TRIO: variants seen among roughly 807,000 people sequenced by gnomAD.
TRIO encodes the protein triple functional domain protein.
Under a neutral mutation model 351.9 loss-of-function variants are expected in TRIO, and 58 were observed. The ratio of observed to expected loss-of-function variants is 0.16; its 90% CI spans 0.13 to 0.21. The LOEUF (loss-of-function observed/expected upper bound fraction) is 0.21, where lower values mean the gene tolerates loss of function less well. TRIO is among the 10% of genes least tolerant of loss of function. The pLI is 1.00. For synonymous variants in TRIO, 1,758 were observed against 1,595.7 expected, an observed-to-expected ratio of 1.10 and a Z score of -2.42; for missense variants, 3,201 against 4,027.8, an observed-to-expected ratio of 0.79 and a Z score of 5.56.
At chr5:14,454,668 G>A (rs1432452825) in intron 34 of TRIO, among the ~76,000 whole-genome samples, 6 of 152,226 alleles carry the variant, frequency 3.9e-5, no homozygotes, top group Non-Finnish European at 7.3e-5. Context: ...AGCTGGGTAT[G>A]TAGTTAGAAA....
chr5:14,490,743 G>A, intron 48 of TRIO: 1 of 454,044 alleles, frequency 2.2e-6, no homozygotes, highest in Admixed American at 2.4e-5. Context: ...AATACTAATA[G>A]TTAGGATTGT....
In TRIO at chr5:14,479,264, A is replaced by G; in HGVS notation, c.6157A>G (p.Arg2053Gly). The G allele has an allele frequency of 6.2e-7, 1 of 1,613,680 alleles. No individual in the cohort carries two copies. The highest frequency in any genetic ancestry group is 8.5e-7 in the Non-Finnish European group (1 of 1,179,776). ...KLGSLFVKHE[R>G]RLHMYIAYCQ... ...TGTTTGCCTTTTTTATTCCTAGGAG[A>G]GAAGGTTGCACATGTACATAGCTTA... Residue 2053 changes from arginine (R) to glycine (G), a missense_variant, in exon 42 of 57, where the codon AGA becomes GGA. Physicochemically the swap from Arg to Gly is moderately radical, Grantham distance 125 (BLOSUM62 -2). Transcript: ENST00000344204.
In TRIO at chr5:14,461,312, G is replaced by T; in HGVS notation, c.5496+1G>T. 6.4e-7 allele frequency: 1 copy of T among 1,562,286 alleles called. No individual in the cohort carries two copies. On this transcript the variant is annotated splice_donor_variant, in intron 35 of 56. Transcript: ENST00000344204. LOFTEE classifies it high-confidence loss of function. ...CCCGCAGGACGAGACGGTCGAGGAG[G>T]TGAGGCTCTGCCCGCTGGTTGGGGC...
At chr5:14,277,770 A>G (rs1326655880) in intron 2 of TRIO, among the ~76,000 whole-genome samples, 1 of 152,262 alleles carries the variant, frequency 6.6e-6, no homozygotes, top group East Asian at 1.9e-4. Flanking sequence ...ACACCTGTGT[A>G]GTTGATTTTA....
intron 9 of TRIO, among the ~76,000 whole-genome samples, chr5:14,326,360 A>G (rs1160365670): frequency 6.6e-6 from 1 of 151,010 alleles, no homozygotes; most frequent in African/African-American, 2.5e-5. Context: ...CATTCTGAAC[A>G]GCTTTCTGCC....
chr5:14,492,471 A>C, intron 48 of TRIO, 96 bp from the exon 49 acceptor site: 1 of 1,541,178 alleles, frequency 6.5e-7, no homozygotes, highest in Non-Finnish European at 8.8e-7. Flanking sequence ...GCACGGGGTC[A>C]TGGTGCCATG....
intron 8 of TRIO, among the ~76,000 whole-genome samples, chr5:14,305,739 A>C (rs1001455043): frequency 9.9e-5 from 15 of 152,186 alleles, no homozygotes; most frequent in Admixed American, 9.8e-4. Flanking sequence ...CTGTCTTGAC[A>C]TCCTAGTGTC....
At chr5:14,484,088 G>C (rs1383136493) in intron 46 of TRIO, among the ~76,000 whole-genome samples, 1 of 146,912 alleles carries the variant, frequency 6.8e-6, no homozygotes, top group Admixed American at 6.8e-5. Context: ...ATCCATCCCG[G>C]GCACTGCACT....
chr5:14,266,533 A>G (rs1395962727), intron 1 of TRIO, among the ~76,000 whole-genome samples: 1 of 152,242 alleles, frequency 6.6e-6, no homozygotes, highest in Non-Finnish European at 1.5e-5. Flanking sequence ...CAGATTTAAC[A>G]TTTATGCTCA....
chr5:14,501,508 G>T (rs1757300816), intron 53 of TRIO, among the ~76,000 whole-genome samples: 1 of 152,242 alleles, frequency 6.6e-6, no homozygotes, highest in Non-Finnish European at 1.5e-5. Flanking sequence ...TGTGACAACA[G>T]TGCTAGCTGG....
In TRIO at chr5:14,372,001, T is replaced by A. The variant is rs1745152993; in HGVS notation, c.3217-2228T>A. On this transcript the variant is annotated intron_variant, in intron 18 of 56. Transcript: ENST00000344204. ...ATTCAAACAGGGTCCACATATTGAT[T>A]TGGTTGGGTATGTCTTTTGAATCAC... is the stretch of plus-strand genomic sequence containing the variant. 1.3e-5 allele frequency among the ~76,000 whole-genome samples: 2 copies of A among 152,044 alleles called. 1 individual carries two copies. Among genetic ancestry groups the A allele is most frequent in the South Asian group, 4.1e-4 (2 of 4,824 alleles).
intron 13 of TRIO, 141 bp downstream of exon 13, chr5:14,359,672 G>A: frequency 9.4e-7 from 1 of 1,064,760 alleles, no homozygotes; most frequent in Non-Finnish European, 1.3e-6. Context: ...AGGGGGTGTG[G>A]GAGGGAGAGA....
At chr5:14,250,332 G>A (rs1351378400) in intron 1 of TRIO, among the ~76,000 whole-genome samples, 7 of 152,184 alleles carry the variant, frequency 4.6e-5, no homozygotes, top group African/African-American at 9.7e-5. Context: ...ATTAAATTGC[G>A]TTTTCCTTGC....
intron 1 of TRIO, among the ~76,000 whole-genome samples, chr5:14,202,635 G>A (rs768026018): frequency 6.6e-6 from 1 of 150,634 alleles, no homozygotes; most frequent in Non-Finnish European, 1.5e-5. Context: ...CTGTTCTCGT[G>A]GTTGTGAATA....
chr5:14,282,439 G>A (rs1358660927), intron 3 of TRIO, among the ~76,000 whole-genome samples: 5 of 152,118 alleles, frequency 3.3e-5, no homozygotes, highest in Non-Finnish European at 5.9e-5. Context: ...ATACTATATA[G>A]TGGTAACTTT....
chr5:14,420,395 C>G (rs1750020822), intron 34 of TRIO: 1 of 199,632 alleles, frequency 5.0e-6, no homozygotes, highest in Non-Finnish European at 1.0e-5. Flanking sequence ...GTTAGTCATT[C>G]CAGGGAGCTA....
intron 7 of TRIO, among the ~76,000 whole-genome samples, chr5:14,300,901 C>T (rs1302982603): frequency 6.6e-6 from 1 of 152,198 alleles, no homozygotes; most frequent in Non-Finnish European, 1.5e-5. Flanking sequence ...GATGCAAGTT[C>T]TAAATCTAGG....
intron 3 of TRIO, among the ~76,000 whole-genome samples, chr5:14,282,998 G>A (rs1413710836): frequency 6.6e-6 from 1 of 152,276 alleles, no homozygotes; most frequent in Middle Eastern, 3.4e-3. Flanking sequence ...TCCTCTCTGG[G>A]CCCTCTCCCC....
At chr5:14,159,958 C>A (rs1561147873) in intron 1 of TRIO, among the ~76,000 whole-genome samples, 2 of 152,190 alleles carry the variant, frequency 1.3e-5, no homozygotes, top group African/African-American at 4.8e-5. Context: ...ACAGAAACGG[C>A]ATTAATTTGC....
Sources: allele counts gnomAD v4.1 joint callset (sites outside exome capture counted in the v4.1 genomes callset), GRCh38; gene constraint gnomAD v4.1.1; transcripts MANE v1.5; gene names NCBI Gene and HGNC (gene_info 2026-07-23, HGNC 2026-07-21).